BTNL9: variants seen among roughly 807,000 people sequenced by gnomAD.
The protein encoded by BTNL9 is butyrophilin like 9.
BTNL9 carries 45 observed loss-of-function variants against 45.8 expected under a neutral mutation model. The observed-to-expected ratio is 0.98, with a 90% CI of 0.77 to 1.26. BTNL9 has a LOEUF of 1.26. Among genes scored for constraint, BTNL9 ranks in the 50% most tolerant of loss-of-function variants. The pLI, the probability that BTNL9 is intolerant of heterozygous loss-of-function variation, is 0.00. For missense variants in BTNL9, 784 were observed against 729.7 expected (o/e 1.07, Z -0.86); for synonymous variants, 346 against 330.8 (o/e 1.05, Z -0.50).
chr5:181,050,487 G>C lies in BTNL9; in HGVS notation c.736+118G>C, dbSNP rs932685735. ...CGCCTGTCTGCATATAGGGTGTGTT[G>C]GCCTTGACACCTGAAAAGTCAGCAC... is the stretch of plus-strand genomic sequence containing the variant. On this transcript the variant is annotated intron_variant, in intron 4 of 10. Transcript: ENST00000327705. The surrounding 1 kb of genome is among the most constrained non-coding windows in gnomAD (Gnocchi z 4.9). 1 of 1,265,304 alleles carries C rather than the reference G, an allele frequency of 7.9e-7. No individual in the cohort carries two copies. Among genetic ancestry groups the C allele is most frequent in the Non-Finnish European group, 1.1e-6 (1 of 907,240 alleles). The allele number at this position is 1,265,304 out of a possible 1,614,324, so 78.4% of individuals were successfully genotyped here.
intron 3 of BTNL9, among the ~76,000 whole-genome samples, chr5:181,049,835 G>T (rs1186258036): frequency 6.6e-6 from 1 of 152,124 alleles, no homozygotes; most frequent in African/African-American, 2.4e-5. Flanking sequence ...AATGCCAGGA[G>T]CCCTTCCCCA....
Position 181,054,345 on chromosome 5 carries a change from C to T in BTNL9, c.907+86C>T, listed in dbSNP as rs187698366. ...GGGAGGAGGGGCTCCCTTTGGACAGCGGCTGGCAACTATCTAATTCTAAAC... is the reference window on the plus strand; with the variant it reads ...GGGAGGAGGGGCTCCCTTTGGACAGTGGCTGGCAACTATCTAATTCTAAAC... On this transcript the variant is annotated intron_variant, in intron 7 of 10. Coordinates refer to ENST00000327705, the MANE Select transcript of BTNL9 (RefSeq NM_152547.5). 1.9e-3 allele frequency: 2,971 copies of T among 1,580,822 alleles called. 98 individuals carry two copies. The Admixed American group carries it at 0.053, about 28-fold the overall frequency.
Position 181,050,037 on chromosome 5 carries a change from G to A in BTNL9, c.455-51G>A, listed in dbSNP as rs368144915. 17 of 1,572,166 alleles carry A rather than the reference G, an allele frequency of 1.1e-5. No homozygotes were observed. The highest frequency in any genetic ancestry group is 3.5e-5 in the South Asian group (3 of 84,946). ...CTGAACAGTGGCAGGAATGTTATGC[G>A]TGATTTCTCAGAAGAAGCCTGACCT... On this transcript the variant is annotated intron_variant, in intron 3 of 10. Coordinates refer to ENST00000327705, the MANE Select transcript of BTNL9 (RefSeq NM_152547.5). This position sits in a 1 kb window ranked among gnomAD's most constrained non-coding sequence, Gnocchi z 4.9.
At chr5:181,059,111 T>C in intron 10 of BTNL9, 126 bp from the exon 11 acceptor site, 1 of 1,379,204 alleles carries the variant, frequency 7.3e-7, no homozygotes, top group Non-Finnish European at 9.4e-7. Context: ...GGGGTGAGGG[T>C]CGGGGTAAGG....
chr5:181,050,467 G>A lies in BTNL9; in HGVS notation c.736+98G>A. 3 of 1,410,590 alleles carry A rather than the reference G, an allele frequency of 2.1e-6. No homozygotes were observed. Among genetic ancestry groups the A allele is most frequent in the African/African-American group, 1.4e-5 (1 of 70,494 alleles). The allele number at this position is 1,410,590 out of a possible 1,614,324, so 87.4% of individuals were successfully genotyped here. Reference sequence around the variant, plus strand: ...ATAAAGACACAATGGTACTGCGCCTGTCTGCATATAGGGTGTGTTGGCCTT... The same window carrying A: ...ATAAAGACACAATGGTACTGCGCCTATCTGCATATAGGGTGTGTTGGCCTT... On this transcript the variant is annotated intron_variant, in intron 4 of 10. Coordinates refer to ENST00000327705, the MANE Select transcript of BTNL9 (RefSeq NM_152547.5). This position sits in a 1 kb window ranked among gnomAD's most constrained non-coding sequence, Gnocchi z 4.9.
At chr5:181,045,702 C>T (rs541631629) in intron 2 of BTNL9, 104 bp downstream of exon 2, 5 of 900,698 alleles carry the variant, frequency 5.6e-6, no homozygotes, top group Middle Eastern at 2.2e-4. Context: ...GTGCCAGACG[C>T]TAAAATACAA....
In BTNL9 at chr5:181,055,689, A is replaced by G; in HGVS notation, c.928+236A>G. The G allele has an allele frequency of 1.5e-6, 1 of 689,478 alleles. No individual in the cohort carries two copies. Among genetic ancestry groups the G allele is most frequent in the Non-Finnish European group, 2.6e-6 (1 of 386,722 alleles). The allele number at this position is 689,478 out of a possible 1,614,324, so 42.7% of individuals were successfully genotyped here. ...GAGGCTGAGGCAGGAGAAGGGCGTG[A>G]ACCCGGGAAGCGGAGCTTGCAGTGA... On this transcript the variant is annotated intron_variant, in intron 8 of 10. Transcript: ENST00000327705. This position sits in a 1 kb window ranked among gnomAD's most constrained non-coding sequence, Gnocchi z 4.4.
At chr5:181,046,671 AAG>A (rs569290896) in intron 2 of BTNL9, among the ~76,000 whole-genome samples, 4 of 151,070 alleles carry the variant, frequency 2.6e-5, no homozygotes, top group Non-Finnish European at 5.9e-5. Flanking sequence ...GGCTGAGAGA[AAG>A]AGAGAGAGCG....
chr5:181,056,248 C>T (rs769727776), intron 9 of BTNL9, among the ~76,000 whole-genome samples: 8 of 152,140 alleles, frequency 5.3e-5, no homozygotes, highest in Non-Finnish European at 1.0e-4. Context: ...CTCCTGGTGC[C>T]CATCCTCCAA....
intron 3 of BTNL9, among the ~76,000 whole-genome samples, chr5:181,048,868 T>TAAA (rs1401301197): frequency 2.3e-5 from 3 of 131,652 alleles, no homozygotes; most frequent in Non-Finnish European, 4.8e-5. Flanking sequence ...TATAATTATA[T>TAAA]TAGTTATATA....
intron 4 of BTNL9, among the ~76,000 whole-genome samples, chr5:181,051,078 CAAAAAAAAAACA>C (rs1413840298): frequency 2.7e-4 from 12 of 44,688 alleles, no homozygotes; most frequent in South Asian, 2.2e-3. Flanking sequence ...GAATCCGTCT[CAAAAAAAAAACA>C]AAAAAAAAAA....
At chr5:181,051,010 C>A (rs1334687160) in intron 4 of BTNL9, among the ~76,000 whole-genome samples, 13 of 144,544 alleles carry the variant, frequency 9.0e-5, no homozygotes, top group African/African-American at 3.3e-4. Context: ...TCGCTTGAAC[C>A]GGGGGGCAGA....
At chr5:181,057,316 T>C (rs1761935939) in intron 9 of BTNL9, 3 of 152,178 alleles carry the variant, frequency 2.0e-5, no homozygotes, top group Admixed American at 6.5e-5. Context: ...TATATTTGCA[T>C]CTTTAATCCC....
Position 181,055,112 on chromosome 5 carries a change from G to A in BTNL9, c.908-321G>A, listed in dbSNP as rs1009051484. 9.6e-6 allele frequency: 11 copies of A among 1,146,066 alleles called. No homozygotes were observed. The highest frequency in any genetic ancestry group is 1.2e-5 in the Non-Finnish European group (11 of 931,672). The allele number at this position is 1,146,066 out of a possible 1,614,324, so 71.0% of individuals were successfully genotyped here. ...GTGCCTGCACTTAGGCGGGAGCTCC[G>A]CCCCAGGAAGCTTGTGATTTCAGGC... On this transcript the variant is annotated intron_variant, in intron 7 of 10. Coordinates refer to ENST00000327705, the MANE Select transcript of BTNL9 (RefSeq NM_152547.5). The surrounding 1 kb of genome is among the most constrained non-coding windows in gnomAD (Gnocchi z 4.4).
Position 181,050,437 on chromosome 5 carries a change from A to C in BTNL9, c.736+68A>C. 6.5e-7 allele frequency: 1 copy of C among 1,550,018 alleles called. No individual in the cohort carries two copies. Among genetic ancestry groups the C allele is most frequent in the Non-Finnish European group, 8.8e-7 (1 of 1,136,650 alleles). On this transcript the variant is annotated intron_variant, in intron 4 of 10. Transcript: ENST00000327705. This position sits in a 1 kb window ranked among gnomAD's most constrained non-coding sequence, Gnocchi z 4.9. ...TGTACATACACATTGGCCCAAAGGC[A>C]GTCTATAAAGACACAATGGTACTGC...
intron 4 of BTNL9, among the ~76,000 whole-genome samples, chr5:181,052,526 A>G (rs1761596761): frequency 6.6e-6 from 1 of 152,214 alleles, no homozygotes; most frequent in East Asian, 1.9e-4. Context: ...TAAAGATCTG[A>G]GATAAAAGCA....
In BTNL9 at chr5:181,053,854, C is replaced by G; in HGVS notation, c.886+353C>G. 1 of 1,506,764 alleles carries G rather than the reference C, an allele frequency of 6.6e-7. No homozygotes were observed. The highest frequency in any genetic ancestry group is 8.9e-7 in the Non-Finnish European group (1 of 1,128,418). 93.3% of individuals were successfully genotyped at this position (1,506,764 alleles called of 1,614,324 possible). A position where few individuals can be genotyped will look rare whatever the true frequency, so the allele number is the denominator to read the frequency against. Reference sequence around the variant, plus strand: ...CAGGTTTTCATAGCGCACAGGGAGTCGGGCGGATGCGCAACATCTCCGCAC... The same window carrying G: ...CAGGTTTTCATAGCGCACAGGGAGTGGGGCGGATGCGCAACATCTCCGCAC... On this transcript the variant is annotated intron_variant, in intron 6 of 10. Transcript: ENST00000327705. The surrounding 1 kb of genome is among the most constrained non-coding windows in gnomAD (Gnocchi z 6.5).
intron 4 of BTNL9, among the ~76,000 whole-genome samples, chr5:181,051,124 C>T (rs1196654011): frequency 6.7e-6 from 1 of 150,072 alleles, no homozygotes; most frequent in Non-Finnish European, 1.5e-5. Flanking sequence ...GTGGTAGGTG[C>T]CGTAGAGAAA....
At position 181,059,559 on chromosome 5, in the gene BTNL9, G is replaced by T. The variant is rs1320005458; in HGVS notation, c.1305G>T (p.Pro435=). 1.9e-6 allele frequency: 3 copies of T among 1,610,990 alleles called. No homozygotes were observed. The East Asian group carries it at 6.7e-5, about 36-fold the overall frequency. ...WNGCEYFVLA[P]HRVALTLRVP... is the part of the protein sequence containing the mutation. Reference sequence around the variant, plus strand: ...GCTGCGAGTACTTCGTCCTGGCCCCGCACCGCGTCGCGCTCACCCTGCGCG... The same window carrying T: ...GCTGCGAGTACTTCGTCCTGGCCCCTCACCGCGTCGCGCTCACCCTGCGCG... Residue 435 remains proline (P), a synonymous_variant, in exon 11 of 11, where the codon CCG becomes CCT. Transcript: ENST00000327705.
Sources: gnomAD v4.1 joint callset for allele counts (sites outside exome capture counted in the v4.1 genomes callset) on GRCh38, gnomAD v4.1.1 for gene constraint, Gnocchi (gnomAD v3.1) non-coding constraint, MANE v1.5 for transcripts, NCBI Gene and HGNC (gene_info 2026-07-23, HGNC 2026-07-21) for gene names.